UBE2V2: variants seen among roughly 807,000 people sequenced by gnomAD.
The protein encoded by UBE2V2 is ubiquitin conjugating enzyme E2 V2.
In UBE2V2, 9 loss-of-function variants were observed where a neutral mutation model predicts 17.2. The observed-to-expected ratio is 0.52, with a 90% confidence interval of 0.32 to 0.91. UBE2V2 has a LOEUF of 0.91. UBE2V2 is among the 40% of genes least tolerant of loss of function. The pLI is 0.04. For synonymous variants in UBE2V2, 61 were observed against 57.5 expected (o/e 1.06, Z -0.28); for missense variants, 133 against 182.6 (o/e 0.73, Z 1.56).
At chr8:48,016,412 A>G (rs1237812854) in intron 1 of UBE2V2, among the ~76,000 whole-genome samples, 1 of 151,936 alleles carries the variant, frequency 6.6e-6, no homozygotes, top group Non-Finnish European at 1.5e-5. Flanking sequence ...TGGTTGTACT[A>G]ATTCACATTC....
At chr8:48,009,430 T>TA (rs2091212642) in intron 1 of UBE2V2, among the ~76,000 whole-genome samples, 1 of 152,050 alleles carries the variant, frequency 6.6e-6, no homozygotes, top group Non-Finnish European at 1.5e-5. Flanking sequence ...CAGGCCCGGC[T>TA]AATTTTTGTA....
At chr8:48,030,395 T>C (rs2091374710) in intron 1 of UBE2V2, among the ~76,000 whole-genome samples, 1 of 152,192 alleles carries the variant, frequency 6.6e-6, no homozygotes, top group Non-Finnish European at 1.5e-5. Context: ...GTCAGAGATT[T>C]AATAATGAGA....
the UBE2V2 span, among the ~76,000 whole-genome samples, chr8:47,998,256 A>G: frequency 6.6e-6 from 1 of 152,008 alleles, no homozygotes; most frequent in Non-Finnish European, 1.5e-5. Context: ...GGAGGCACCC[A>G]AGGCAGGTAG....
At position 48,063,402 on chromosome 8, in the gene UBE2V2, T is replaced by C. The variant is rs1267131834; in HGVS notation, c.*2574T>C. ...TGGAAGAAATTTTTCCTTTGTTTTG[T>C]AAAGTGGCTAAGGTTGTAGGAGTGT... On this transcript the variant is annotated 3_prime_UTR_variant, in exon 4 of 4. Coordinates refer to ENST00000523111, the MANE Select transcript of UBE2V2 (RefSeq NM_003350.3). 1 of 152,252 alleles carries C rather than the reference T, an allele frequency of 6.6e-6. No homozygotes were observed. The highest frequency in any genetic ancestry group is 2.4e-5 in the African/African-American group (1 of 41,470). The allele number at this position is 152,252 out of a possible 1,614,324, so 9.4% of individuals were successfully genotyped here. A position where few individuals can be genotyped will look rare whatever the true frequency, so the allele number is the denominator to read the frequency against.
rs1182791535 is a variant in UBE2V2, at chr8:48,062,316, A to G, written c.*1488A>G. Reference sequence around the variant, plus strand: ...AAACTTTGCTTATAAAGTATTGGCCATGTGGTGGCTCATGCCGCTAATCCC... The same window carrying G: ...AAACTTTGCTTATAAAGTATTGGCCGTGTGGTGGCTCATGCCGCTAATCCC... On this transcript the variant is annotated 3_prime_UTR_variant, in exon 4 of 4. Transcript: ENST00000523111. 3 of 152,194 alleles carry G rather than the reference A, an allele frequency of 2.0e-5. No homozygotes were observed. The highest frequency in any genetic ancestry group is 1.3e-4 in the Admixed American group (2 of 15,270). The allele number at this position is 152,194 out of a possible 1,614,324, so 9.4% of individuals were successfully genotyped here. A position where few individuals can be genotyped will look rare whatever the true frequency, so the allele number is the denominator to read the frequency against.
chr8:47,998,251 C>T, the UBE2V2 span, among the ~76,000 whole-genome samples: 308 of 152,012 alleles, frequency 2.0e-3, 3 homozygotes, highest in Non-Finnish European at 4.6e-4. Context: ...GCATAGGAGG[C>T]ACCCAAGGCA....
At chr8:48,005,721 T>TGA (rs2091179307), upstream of UBE2V2, among the ~76,000 whole-genome samples, 1 of 152,218 alleles carries the variant, frequency 6.6e-6, no homozygotes, top group African/African-American at 2.4e-5. Context: ...CTACCTGGTG[T>TGA]GAGATGGTAG....
intron 1 of UBE2V2, among the ~76,000 whole-genome samples, chr8:48,020,211 A>AT (rs2091295593): frequency 6.6e-6 from 1 of 151,860 alleles, no homozygotes; most frequent in Non-Finnish European, 1.5e-5. Flanking sequence ...AATTTTTTAT[A>AT]TTTTTTGTAG....
At chr8:48,047,995 G>GT (rs11368838) in intron 2 of UBE2V2, among the ~76,000 whole-genome samples, 117,762 of 139,580 alleles carry the variant, frequency 0.84, 49,724 homozygotes, top group East Asian at 0.9. Flanking sequence ...AGAGCTTTGG[G>GT]TTTTTTTTTT....
At chr8:48,057,018 G>A (rs1247421598) in intron 3 of UBE2V2, among the ~76,000 whole-genome samples, 1 of 151,952 alleles carries the variant, frequency 6.6e-6, no homozygotes, top group Non-Finnish European at 1.5e-5. Flanking sequence ...GAGCCACCAC[G>A]CCTGGCCTGT....
chr8:48,011,527 T>TA (rs1185740503), intron 1 of UBE2V2, among the ~76,000 whole-genome samples: 7 of 152,236 alleles, frequency 4.6e-5, no homozygotes, highest in Non-Finnish European at 8.8e-5. Flanking sequence ...AACAGTTGTT[T>TA]AAGAGGCCAA....
rs1802593581 is a variant in UBE2V2 at position 48,061,614 on chromosome 8, TTGC to T, written c.*787_*789del. 1 of 152,636 alleles carries T rather than the reference TTGC, an allele frequency of 6.6e-6. No individual in the cohort carries two copies. The highest frequency in any genetic ancestry group is 1.5e-5 in the Non-Finnish European group (1 of 68,026). 9.5% of individuals were successfully genotyped at this position (152,636 alleles called of 1,614,324 possible). A position where few individuals can be genotyped will look rare whatever the true frequency, so the allele number is the denominator to read the frequency against. On this transcript the variant is annotated 3_prime_UTR_variant, in exon 4 of 4. Coordinates refer to ENST00000523111, the MANE Select transcript of UBE2V2 (RefSeq NM_003350.3). ...TATGTTGATGTATATGTACAGTACC[TTGC>T]CAGGGAAGCAAAAATTGGAATTATT...
chr8:48,035,042 G>C (rs1229051569), intron 1 of UBE2V2: 4 of 982,488 alleles, frequency 4.1e-6, no homozygotes, highest in Non-Finnish European at 4.8e-6. Context: ...GAAAGCAGAA[G>C]TTAGCATTCC....
chr8:48,035,021 TCCAAA>T (rs1225601069), intron 1 of UBE2V2: 2 of 985,156 alleles, frequency 2.0e-6, no homozygotes, highest in Admixed American at 1.2e-4. Context: ...ATGGTTGGCT[TCCAAA>T]AGAACGAAAG....
chr8:48,001,926 C>T, the UBE2V2 span, among the ~76,000 whole-genome samples: 1 of 152,068 alleles, frequency 6.6e-6, no homozygotes, highest in Non-Finnish European at 1.5e-5. Context: ...CCCATCTCTA[C>T]TAAAAATACA....
At chr8:48,025,359 G>A (rs1431262140) in intron 1 of UBE2V2, among the ~76,000 whole-genome samples, 3 of 151,454 alleles carry the variant, frequency 2.0e-5, no homozygotes, top group African/African-American at 7.3e-5. Context: ...CTTGTGCAGG[G>A]TTCAAGCAAT....
rs2091476175 is a variant in UBE2V2, at chr8:48,043,220, T to C, written c.165+39T>C. 2.2e-6 allele frequency: 3 copies of C among 1,352,850 alleles called. No individual in the cohort carries two copies. In the Admixed American group the frequency reaches 7.7e-5, roughly 35 times the overall value. The allele number at this position is 1,352,850 out of a possible 1,614,324, so 83.8% of individuals were successfully genotyped here. A position where few individuals can be genotyped will look rare whatever the true frequency, so the allele number is the denominator to read the frequency against. The stretch of plus-strand genomic sequence containing the variant: ...ATTATATTTTTTCTATTAATACTTA[T>C]TGTTAAAGTTAGCATTTAATTTTAT... On this transcript the variant is annotated intron_variant, in intron 2 of 3. Transcript: ENST00000523111.
chr8:48,031,135 G>A (rs1216360793), intron 1 of UBE2V2, among the ~76,000 whole-genome samples: 2 of 152,010 alleles, frequency 1.3e-5, no homozygotes, highest in African/African-American at 2.4e-5. Context: ...CTTGAACCTG[G>A]GAGGCAGAGG....
chr8:48,060,472 ATGTTT>A (rs763247483), intron 3 of UBE2V2, among the ~76,000 whole-genome samples: 1 of 152,140 alleles, frequency 6.6e-6, no homozygotes, highest in Non-Finnish European at 1.5e-5. Context: ...AGTTCACTGT[ATGTTT>A]TATGTCTTTA....
Sources: gnomAD v4.1 joint callset for allele counts (sites outside exome capture counted in the v4.1 genomes callset) on GRCh38, gnomAD v4.1.1 for gene constraint, MANE v1.5 for transcripts, NCBI Gene and HGNC (gene_info 2026-07-23, HGNC 2026-07-21) for gene names.